Variants in CUX1 observed in about 807,000 individuals in gnomAD.
CUX1 encodes protein CASP.
CUX1 carries 31 observed loss-of-function variants against 158.8 expected under a neutral mutation model. The ratio of observed to expected loss-of-function variants is 0.20; its 90% CI spans 0.15 to 0.26. The LOEUF (loss-of-function observed/expected upper bound fraction) is 0.26, where lower values mean the gene tolerates loss of function less well. CUX1 is among the 10% of genes least tolerant of loss of function. The pLI is 1.00. For missense variants in CUX1, 1,589 were observed against 2,014.6 expected (o/e 0.79, Z 4.04); for synonymous variants, 879 against 862.1 (o/e 1.02, Z -0.34).
intron 2 of CUX1, among the ~76,000 whole-genome samples, chr7:101,997,990 C>T (rs2129266665): frequency 6.6e-6 from 1 of 152,328 alleles, no homozygotes; most frequent in Middle Eastern, 3.4e-3. Flanking sequence ...ACGAACTCCC[C>T]AACTGTCAGT....
intron 3 of CUX1, among the ~76,000 whole-genome samples, chr7:102,030,421 A>C (rs550456564): frequency 3.2e-4 from 46 of 145,962 alleles, no homozygotes; most frequent in Admixed American, 2.6e-3. Flanking sequence ...AGTAAGTTGC[A>C]GAAGCAGGCA....
At chr7:102,178,182 G>A (rs1170054260) in intron 10 of CUX1, among the ~76,000 whole-genome samples, 8 of 152,182 alleles carry the variant, frequency 5.3e-5, no homozygotes, top group African/African-American at 1.4e-4. Flanking sequence ...GATTACAGGC[G>A]TGAGCCATTG....
At chr7:102,192,565 T>A (rs1362291086) in intron 12 of CUX1, among the ~76,000 whole-genome samples, 2 of 152,086 alleles carry the variant, frequency 1.3e-5, no homozygotes, top group Non-Finnish European at 2.9e-5. Flanking sequence ...GTGGCTCACA[T>A]CTGTAATCCC....
At position 102,202,035 on chromosome 7, in the gene CUX1, C is replaced by T. The variant is rs1463624493; in HGVS notation, c.2738C>T (p.Ser913Phe). ...SETPQNSPLPSSPIVPMSKPT... is the reference protein window; with the variant it reads ...SETPQNSPLPFSPIVPMSKPT... ...ACACCACAGAACAGCCCCCTGCCAT[C>T]CTCCCCGATCGTGCCCATGTCCAAG... Residue 913 changes from serine to phenylalanine, a missense_variant, in exon 18 of 24, where the codon TCC (serine) becomes TTC (phenylalanine). Physicochemically the swap from Ser to Phe is radical, Grantham distance 155. Transcript: ENST00000292535. 1.2e-6 allele frequency: 2 copies of T among 1,613,994 alleles called. No individual in the cohort carries two copies. The highest frequency in any genetic ancestry group is 1.7e-6 in the Non-Finnish European group (2 of 1,180,014).
At chr7:102,016,518 A>G (rs1238076708) in intron 2 of CUX1, among the ~76,000 whole-genome samples, 2 of 152,224 alleles carry the variant, frequency 1.3e-5, no homozygotes, top group Non-Finnish European at 2.9e-5. Context: ...TCAAAAAATA[A>G]TGGTACTCCA....
chr7:101,948,456 T>C (rs1217545021), intron 2 of CUX1, among the ~76,000 whole-genome samples: 1 of 152,150 alleles, frequency 6.6e-6, no homozygotes, highest in Non-Finnish European at 1.5e-5. Flanking sequence ...TATAATAAAG[T>C]CGAGCCTTTA....
intron 10 of CUX1, among the ~76,000 whole-genome samples, chr7:102,176,527 A>T (rs568927499): frequency 5.0e-4 from 74 of 148,926 alleles, no homozygotes; most frequent in Admixed American, 9.4e-4. Flanking sequence ...CCTGCAGAAA[A>T]TATTTCAGAA....
chr7:102,216,641 G>GCA (rs782017300), intron 20 of CUX1, among the ~76,000 whole-genome samples: 372 of 28,736 alleles, frequency 0.013, 4 homozygotes, highest in Non-Finnish European at 0.02. Flanking sequence ...CCCCACACAC[G>GCA]CACACACACA....
Position 102,248,586 on chromosome 7 carries a change from G to T in CUX1, c.4062G>T (p.Glu1354Asp), listed in dbSNP as rs1801081711. The T allele has an allele frequency of 1.4e-6, 2 of 1,480,762 alleles. No homozygotes were observed. Among genetic ancestry groups the T allele is most frequent in the African/African-American group, 1.5e-5 (1 of 67,684 alleles). The allele number at this position is 1,480,762 out of a possible 1,614,324, so 91.7% of individuals were successfully genotyped here. The change falls in exon 24 of 24, where the codon GAG becomes GAT. Residue 1354 changes from glutamate to aspartate, a missense_variant. Physicochemically the swap from Glu to Asp is conservative, Grantham distance 45. Around this residue, in one of 8 missense-constraint regions of CUX1, gnomAD observed 344 missense variants for 323.7 expected, o/e 1.06. Coordinates refer to ENST00000292535, the MANE Select transcript of CUX1 (RefSeq NM_181552.4). The surrounding 1 kb of genome is among the most constrained non-coding windows in gnomAD (Gnocchi z 5.8). The part of the protein sequence containing the change: ...TEGPGSADTE[E>D]PKSQGEAERE... Reference sequence around the variant, plus strand: ...GCCCAGGCAGCGCCGACACCGAGGAGCCCAAGTCTCAGGGAGAGGCCGAGC... The same window carrying T: ...GCCCAGGCAGCGCCGACACCGAGGATCCCAAGTCTCAGGGAGAGGCCGAGC...
intron 3 of CUX1, among the ~76,000 whole-genome samples, chr7:102,060,881 C>CGATTACAG (rs1290863869): frequency 7.1e-6 from 1 of 140,636 alleles, no homozygotes; most frequent in South Asian, 2.3e-4. Context: ...AAAAGCACTG[C>CGATTACAG]GATTACAGGT....
At chr7:101,913,145 T>C (rs1049479213) in intron 1 of CUX1, 2 of 252,736 alleles carry the variant, frequency 7.9e-6, no homozygotes, top group African/African-American at 4.6e-5. Context: ...TGTGTGTGTG[T>C]TGTTTTTTAA....
At chr7:102,048,001 A>G (rs1335136594) in intron 3 of CUX1, among the ~76,000 whole-genome samples, 2 of 151,970 alleles carry the variant, frequency 1.3e-5, no homozygotes, top group Non-Finnish European at 2.9e-5. Context: ...TCCCTCCCCC[A>G]GTCTTTTTCC....
At chr7:101,900,345 A>G (rs1347257415) in intron 1 of CUX1, among the ~76,000 whole-genome samples, 1 of 152,216 alleles carries the variant, frequency 6.6e-6, no homozygotes, top group African/African-American at 2.4e-5. Flanking sequence ...GCAGCGAAGG[A>G]ATCACTTGCG....
At position 101,866,418 on chromosome 7, in the gene CUX1, G is replaced by A. The variant is rs1308949298; in HGVS notation, c.30+48749G>A. Among the ~76,000 whole-genome samples the A allele has an allele frequency of 2.6e-5, 4 of 152,180 alleles. No individual in the cohort carries two copies. The East Asian group carries it at 5.8e-4, about 22-fold the overall frequency. On this transcript the variant is annotated intron_variant, in intron 1 of 23. Coordinates refer to ENST00000292535, the MANE Select transcript of CUX1 (RefSeq NM_181552.4). Reference sequence around the variant, plus strand: ...TGGGAGGTAAAGGTTGCGGTGAGCCGGGATTGCACCACTGCACTCCAGCCT... The same window carrying A: ...TGGGAGGTAAAGGTTGCGGTGAGCCAGGATTGCACCACTGCACTCCAGCCT...
chr7:101,849,465 A>C (rs1796045914), intron 1 of CUX1, among the ~76,000 whole-genome samples: 1 of 152,096 alleles, frequency 6.6e-6, no homozygotes, highest in African/African-American at 2.4e-5. Flanking sequence ...TTTGCAAAGG[A>C]TAATGGCCTC....
intron 9 of CUX1, among the ~76,000 whole-genome samples, chr7:102,166,657 A>T (rs1791072106): frequency 6.6e-6 from 1 of 152,206 alleles, no homozygotes; most frequent in African/African-American, 2.4e-5. Context: ...AAATGAATTT[A>T]TCCCAGCTCC....
chr7:101,988,805 G>C lies in CUX1; in HGVS notation c.142-39293G>C, dbSNP rs373576901. Among the ~76,000 whole-genome samples, 16 of 152,178 alleles carry C rather than the reference G, an allele frequency of 1.1e-4. No homozygotes were observed. The East Asian group carries it at 2.3e-3, about 22-fold the overall frequency. On this transcript the variant is annotated intron_variant, in intron 2 of 23. Transcript: ENST00000292535. ...TGCTTGAGGCCAGGAGTTTGAGCCA[G>C]CCTCGGCAGCATAATGAGATTCCAT...
At chr7:101,893,142 CTTTTTAT>C (rs1562971390) in intron 1 of CUX1, among the ~76,000 whole-genome samples, 1 of 88,424 alleles carries the variant, frequency 1.1e-5, no homozygotes, top group African/African-American at 3.7e-5. Flanking sequence ...TTTCTTTTTA[CTTTTTAT>C]TTTTATTACT....
intron 1 of CUX1, among the ~76,000 whole-genome samples, chr7:101,880,302 C>A (rs1799581408): frequency 6.6e-6 from 1 of 152,158 alleles, no homozygotes; most frequent in South Asian, 2.1e-4. Context: ...CGGAAGTTCA[C>A]GTTCTTGAGA....
Sources: allele counts gnomAD v4.1 joint callset (sites outside exome capture counted in the v4.1 genomes callset), GRCh38; gene constraint gnomAD v4.1.1; regional missense constraint gnomAD v4.1.1; non-coding constraint Gnocchi (gnomAD v3.1); transcripts MANE v1.5; gene names NCBI Gene and HGNC (gene_info 2026-07-23, HGNC 2026-07-21).